The following CFAP47 variants were observed in gnomAD, a reference collection of about 807,000 sequenced individuals.
CFAP47 encodes cilia and flagella associated protein 47.
CFAP47 carries 29 observed loss-of-function variants against 148.1 expected under a neutral mutation model. That is an observed-to-expected ratio of 0.20 (90% CI 0.15 to 0.27). The LOEUF (loss-of-function observed/expected upper bound fraction) is 0.27. Ranked by LOEUF, CFAP47 falls within the 10% of genes least tolerant of loss-of-function variation. The pLI is 1.00. For synonymous variants in CFAP47, 664 were observed against 577.3 expected, an observed-to-expected ratio of 1.15 and a Z score of -2.15; for missense variants, 1,872 against 1,697.5, an observed-to-expected ratio of 1.10 and a Z score of -1.81.
intron 36 of CFAP47, among the ~76,000 whole-genome samples, chrX:36,147,495 G>A (rs755221582): frequency 8.9e-6 from 1 of 112,424 alleles, no homozygotes; most frequent in African/African-American, 3.2e-5. Flanking sequence ...ATAGGAATTA[G>A]CTCTCTGGGA....
chrX:36,054,320 C>T (rs1937537191), intron 26 of CFAP47, among the ~76,000 whole-genome samples: 1 of 112,217 alleles, frequency 8.9e-6, no homozygotes, highest in Admixed American at 9.5e-5. Flanking sequence ...ATAATTTGGG[C>T]ATTTCATATT....
At chrX:36,352,368 A>C (rs1556017636) in intron 59 of CFAP47, among the ~76,000 whole-genome samples, 1 of 111,369 alleles carries the variant, frequency 9.0e-6, no homozygotes. Context: ...TCACATACTC[A>C]TTCTAAATCC....
At chrX:36,079,097 G>A (rs1048568984) in intron 29 of CFAP47, among the ~76,000 whole-genome samples, 2 of 111,317 alleles carry the variant, frequency 1.8e-5, no homozygotes, top group African/African-American at 6.5e-5. Flanking sequence ...TTTCTCTCTG[G>A]CTGCTCTTAG....
Position 35,972,609 on chromosome X carries a change from G to A in CFAP47, c.2254+644G>A, listed in dbSNP as rs1016016758. ...ACAGTTGCCTATTCTGAAAATAAAT[G>A]GAATCATACAATATCTAGCCTTTCA... On this transcript the variant is annotated intron_variant, in intron 13 of 63. Coordinates refer to ENST00000378653, the MANE Select transcript of CFAP47 (RefSeq NM_001304548.2). Among the ~76,000 whole-genome samples, 3 of 111,450 alleles carry A rather than the reference G, an allele frequency of 2.7e-5. No individual in the cohort carries two copies. The South Asian group carries it at 1.1e-3, about 41-fold the overall frequency.
At chrX:35,971,200 C>A (rs780534919) in intron 11 of CFAP47, among the ~76,000 whole-genome samples, 1 of 111,702 alleles carries the variant, frequency 9.0e-6, no homozygotes, top group African/African-American at 3.3e-5. Flanking sequence ...GAAACCTGTA[C>A]AGAATGAGGG....
At chrX:35,945,286 C>T (rs1381039560) in intron 3 of CFAP47, among the ~76,000 whole-genome samples, 1 of 111,602 alleles carries the variant, frequency 9.0e-6, no homozygotes, top group Non-Finnish European at 1.9e-5. Context: ...TATTTTTCTA[C>T]CACCTCTGCC....
At chrX:35,959,201 T>A (rs961188964) in intron 8 of CFAP47, among the ~76,000 whole-genome samples, 4 of 112,004 alleles carry the variant, frequency 3.6e-5, no homozygotes, top group African/African-American at 1.3e-4. Flanking sequence ...ACTAATAGAA[T>A]ACATTTTACT....
chrX:35,941,632 C>G (rs1409708620), intron 3 of CFAP47, among the ~76,000 whole-genome samples: 1 of 111,358 alleles, frequency 9.0e-6, no homozygotes, highest in Non-Finnish European at 1.9e-5. Flanking sequence ...ATGGTGAAAT[C>G]CCTCAGGATA....
chrX:36,130,601 T>A (rs1938929893), intron 33 of CFAP47, among the ~76,000 whole-genome samples: 1 of 111,164 alleles, frequency 9.0e-6, no homozygotes, highest in Non-Finnish European at 1.9e-5. Context: ...AGGAAACCAG[T>A]ATATTGAACA....
intron 27 of CFAP47, among the ~76,000 whole-genome samples, chrX:36,069,598 T>C (rs759800319): frequency 3.6e-5 from 4 of 111,544 alleles, no homozygotes; most frequent in Non-Finnish European, 7.5e-5. Flanking sequence ...ATTTAATGCT[T>C]ACCAGGTATA....
chrX:36,316,446 A>G (rs1351883488), intron 56 of CFAP47, among the ~76,000 whole-genome samples: 1 of 112,305 alleles, frequency 8.9e-6, no homozygotes, highest in African/African-American at 3.2e-5. Flanking sequence ...TTACATTGCA[A>G]TCTTTTTTAA....
At chrX:36,186,739 T>C (rs892402572) in intron 40 of CFAP47, among the ~76,000 whole-genome samples, 1 of 111,504 alleles carries the variant, frequency 9.0e-6, no homozygotes, top group Non-Finnish European at 1.9e-5. Context: ...AAGTGATGCA[T>C]ACCACTACTG....
chrX:35,987,390 G>A (rs1045827121), intron 15 of CFAP47, among the ~76,000 whole-genome samples: 69 of 111,391 alleles, frequency 6.2e-4, no homozygotes, highest in African/African-American at 2.2e-3. Context: ...TAAACTTTCT[G>A]GAGGCTTATT....
At chrX:35,924,095 A>ATG (rs1244977506) in intron 1 of CFAP47, among the ~76,000 whole-genome samples, 5 of 100,792 alleles carry the variant, frequency 5.0e-5, no homozygotes, top group African/African-American at 1.6e-4. Context: ...GTATGCGTAC[A>ATG]TATATGTATA....
intron 19 of CFAP47, among the ~76,000 whole-genome samples, 160 bp from the exon 20 acceptor site, chrX:36,000,123 G>A (rs997495624): frequency 9.0e-6 from 1 of 111,108 alleles, no homozygotes; most frequent in African/African-American, 3.3e-5. Context: ...CATGTAGGAG[G>A]CATAGAGGAG....
Position 36,071,725 on chromosome X carries a change from T to G in CFAP47, c.4319-100T>G, listed in dbSNP as rs73468990. The G allele has an allele frequency of 6.5e-3, 4,612 of 705,702 alleles. 148 individuals are homozygous for G. In the African/African-American group the frequency reaches 0.091, roughly 14 times the overall value. 58.2% of individuals were successfully genotyped at this position (705,702 alleles called of 1,213,427 possible). ...AGATAGATGGATACATAGATAGATA[T>G]ATACATCAATAGATAATAGATAAAC... is the stretch of plus-strand genomic sequence containing the variant. On this transcript the variant is annotated intron_variant, in intron 27 of 63. Transcript: ENST00000378653.
intron 39 of CFAP47, among the ~76,000 whole-genome samples, chrX:36,164,057 T>G (rs1939461809): frequency 8.9e-6 from 1 of 112,496 alleles, no homozygotes; most frequent in Admixed American, 9.4e-5. Flanking sequence ...TACTTTGTAT[T>G]ATTTAAATCA....
intron 56 of CFAP47, among the ~76,000 whole-genome samples, chrX:36,314,734 T>TGAGA (rs1358510624): frequency 1.8e-5 from 2 of 109,612 alleles, no homozygotes; most frequent in East Asian, 5.7e-4. Flanking sequence ...CCTACCTATC[T>TGAGA]GAGAGAGAGA....
At chrX:36,146,873 G>A (rs7049376) in intron 36 of CFAP47, among the ~76,000 whole-genome samples, 7 of 103,529 alleles carry the variant, frequency 6.8e-5, no homozygotes, top group Non-Finnish European at 1.2e-4. Context: ...CTCTGCCTTC[G>A]CAGGTTCAAG....
Sources: gnomAD v4.1 joint callset for allele counts (sites outside exome capture counted in the v4.1 genomes callset) on GRCh38, gnomAD v4.1.1 for gene constraint, MANE v1.5 for transcripts, NCBI Gene and HGNC (gene_info 2026-07-23, HGNC 2026-07-21) for gene names.